The following NAV2 variants were observed in gnomAD, a reference collection of about 807,000 sequenced individuals.
NAV2 encodes the protein helicase, APC down-regulated 1.
In NAV2, 54 loss-of-function variants were observed where a neutral mutation model predicts 223.2. That is an observed-to-expected ratio of 0.24 (90% CI 0.19 to 0.30). The LOEUF is 0.30. Ranked by LOEUF, NAV2 falls within the 10% of genes least tolerant of loss-of-function variation. NAV2 has a pLI of 1.00. For synonymous variants in NAV2, 1,279 were observed against 1,239.3 expected (o/e 1.03, Z -0.67); for missense variants, 2,806 against 3,147.5 (o/e 0.89, Z 2.60).
chr11:20,091,324 C>T (rs919778486), intron 27 of NAV2, among the ~76,000 whole-genome samples: 3 of 152,178 alleles, frequency 2.0e-5, no homozygotes, highest in African/African-American at 4.8e-5. Context: ...TGTTAATCCA[C>T]ACCACCCTCC....
At chr11:19,708,342 TA>T (rs2049736632), upstream of NAV2, among the ~76,000 whole-genome samples, 1 of 152,226 alleles carries the variant, frequency 6.6e-6, no homozygotes, top group Non-Finnish European at 1.5e-5. Context: ...GCATTTTTTT[TA>T]CTCCCAAATA....
rs1156686591 is a variant in NAV2, at chr11:20,051,461, C to A, written c.4481+128C>A. Reference sequence around the variant, plus strand: ...CCCGCTTTGACCACCACAGCAGGACCTTTTGGATGACGGCTCCCCTTGCAC... The same window carrying A: ...CCCGCTTTGACCACCACAGCAGGACATTTTGGATGACGGCTCCCCTTGCAC... On this transcript the variant is annotated intron_variant, in intron 17 of 37. Coordinates refer to ENST00000349880, the MANE Select transcript of NAV2 (RefSeq NM_145117.5). The A allele has an allele frequency of 1.1e-5, 9 of 814,066 alleles. No individual in the cohort carries two copies. In the Admixed American group the frequency reaches 1.5e-4, roughly 13 times the overall value. The allele number at this position is 814,066 out of a possible 1,614,324, so 50.4% of individuals were successfully genotyped here.
intron 3 of NAV2, among the ~76,000 whole-genome samples, chr11:19,843,888 T>C (rs1274092968): frequency 6.7e-6 from 1 of 150,256 alleles, no homozygotes; most frequent in Non-Finnish European, 1.5e-5. Flanking sequence ...TACTGTTTAG[T>C]TTTCTGAATT....
intron 1 of NAV2, among the ~76,000 whole-genome samples, chr11:19,538,891 T>TTATATATATATA (rs57662236): frequency 5.9e-4 from 86 of 146,496 alleles, no homozygotes; most frequent in African/African-American, 2.1e-3. Flanking sequence ...TAATGACATT[T>TTATATATATATA]TATATATATA....
chr11:19,846,374 A>T (rs1490187274), intron 3 of NAV2, among the ~76,000 whole-genome samples: 1 of 152,208 alleles, frequency 6.6e-6, no homozygotes, highest in Admixed American at 6.5e-5. Flanking sequence ...AGCCCACAGT[A>T]CAACAGACTC....
chr11:20,098,831 C>G (rs990698092), intron 31 of NAV2, among the ~76,000 whole-genome samples: 1 of 152,200 alleles, frequency 6.6e-6, no homozygotes, highest in Non-Finnish European at 1.5e-5. Context: ...CAGGGGTACA[C>G]CTCAAGCACA....
rs771504923 is a variant in NAV2 at position 19,933,662 on chromosome 11, G to A, written c.1418G>A (p.Arg473Gln). 22 of 1,614,148 alleles carry A rather than the reference G, an allele frequency of 1.4e-5. No individual in the cohort carries two copies. The highest frequency in any genetic ancestry group is 3.3e-4 in the Middle Eastern group (2 of 6,062). Residue 473 changes from arginine to glutamine, a missense_variant, in exon 7 of 38, where the codon CGG becomes CAG. Arg to Gln is a conservative substitution (Grantham distance 43). This residue lies in a region of NAV2 where 1,167 missense variants were observed against 1,180.5 expected (regional missense o/e 0.99). Transcript: ENST00000349880. The surrounding 1 kb of genome is among the most constrained non-coding windows in gnomAD (Gnocchi z 4.3). ...LKGIAQRTFS[R>Q]ALTNKKSSLK... ...GGCATTGCCCAGAGGACTTTTAGCC[G>A]GGCACTGACCAACAAGAAGAGTTCT...
intron 10 of NAV2, among the ~76,000 whole-genome samples, chr11:19,964,492 C>CTTT (rs1555171616): frequency 1.4e-5 from 2 of 146,660 alleles, no homozygotes; most frequent in South Asian, 4.3e-4. Flanking sequence ...TTTTCATCCT[C>CTTT]TTTTTTTTTT....
chr11:20,030,145 C>G (rs1177166404), intron 11 of NAV2, among the ~76,000 whole-genome samples: 1 of 152,180 alleles, frequency 6.6e-6, no homozygotes, highest in Non-Finnish European at 1.5e-5. Flanking sequence ...AAACACAATG[C>G]TATCTCCAGC....
chr11:19,828,673 AG>A (rs2059780387), intron 1 of NAV2, among the ~76,000 whole-genome samples: 1 of 148,500 alleles, frequency 6.7e-6, no homozygotes, highest in African/African-American at 2.5e-5. Context: ...TGTTTTTTGT[AG>A]GGAGGGGGTT....
chr11:19,571,938 G>A (rs891671636), intron 1 of NAV2, among the ~76,000 whole-genome samples: 1 of 152,160 alleles, frequency 6.6e-6, no homozygotes, highest in Non-Finnish European at 1.5e-5. Flanking sequence ...AAGAAGGAGA[G>A]GGGAGACTGT....
rs545523549 is a variant in NAV2 at position 19,948,949 on chromosome 11, C to G, written c.2514C>G (p.Val838=). 3.1e-6 allele frequency: 5 copies of G among 1,614,008 alleles called. No homozygotes were observed. The African/African-American group carries it at 5.3e-5, about 17-fold the overall frequency. Residue 838 remains valine (V), a synonymous_variant, in exon 10 of 38, where the codon GTC becomes GTG. Transcript: ENST00000349880. ...RRQLASRGSS[V]CHVDVSDKAG... ...AGCTGGCCTCCCGGGGCAGTAGTGT[C>G]TGCCATGTGGACGTCTCAGACAAGG...
At chr11:19,976,702 A>G (rs2049790377) in intron 10 of NAV2, among the ~76,000 whole-genome samples, 1 of 152,208 alleles carries the variant, frequency 6.6e-6, no homozygotes, top group Admixed American at 6.5e-5. Context: ...TACCTTGACC[A>G]GAGGATTTAT....
At chr11:19,735,576 T>C (rs191261265) in intron 1 of NAV2, among the ~76,000 whole-genome samples, 37 of 152,356 alleles carry the variant, frequency 2.4e-4, no homozygotes, top group African/African-American at 7.7e-4. Context: ...AGGCCTTGCT[T>C]AGAGCAAGTC....
intron 1 of NAV2, among the ~76,000 whole-genome samples, chr11:19,478,079 G>A (rs1026735870): frequency 7.2e-5 from 11 of 152,248 alleles, no homozygotes; most frequent in African/African-American, 2.4e-4. Flanking sequence ...GCCCTTATAC[G>A]GGTAATAAGC....
intron 1 of NAV2, among the ~76,000 whole-genome samples, chr11:19,627,278 C>G (rs2047198615): frequency 6.6e-6 from 1 of 152,054 alleles, no homozygotes; most frequent in South Asian, 2.1e-4. Context: ...ATCCCAGGTA[C>G]TCAGGAGGCT....
chr11:20,055,797 C>T lies in NAV2; in HGVS notation c.4671C>T (p.Ser1557=). The change falls in exon 19 of 38, where the codon AGC becomes AGT. Residue 1557 remains serine, a synonymous_variant. Coordinates refer to ENST00000349880, the MANE Select transcript of NAV2 (RefSeq NM_145117.5). Reference sequence around the variant, plus strand: ...GTCCCACCACTGTCACCCAGATGAGCTTGTCCAACCCGACCATGCTGAGGA... The same window carrying T: ...GTCCCACCACTGTCACCCAGATGAGTTTGTCCAACCCGACCATGCTGAGGA... The part of the protein sequence containing the change: ...LASPTTVTQM[S]LSNPTMLRTH... The T allele has an allele frequency of 6.2e-7, 1 of 1,614,116 alleles. No individual in the cohort carries two copies. The highest frequency in any genetic ancestry group is 8.5e-7 in the Non-Finnish European group (1 of 1,179,994).
At chr11:19,410,157 G>A (rs1313257870) in intron 1 of NAV2, among the ~76,000 whole-genome samples, 1 of 152,112 alleles carries the variant, frequency 6.6e-6, no homozygotes. Flanking sequence ...TGAGTAATGG[G>A]GACCTTTCTG....
rs146599661 is a variant in NAV2, at chr11:20,117,712, C to G, written c.7165-421C>G. On this transcript the variant is annotated intron_variant, in intron 37 of 37. Transcript: ENST00000349880. ...TGATGCTGATGCCAAGTTCCAGGAA[C>G]AGGGATGCTCAGCCACACCTTCATC... Among the ~76,000 whole-genome samples, 862 of 152,278 alleles carry G rather than the reference C, an allele frequency of 5.7e-3. 5 individuals carry two copies. The highest frequency in any genetic ancestry group is 0.036 in the South Asian group (174 of 4,832).
Sources: gnomAD v4.1 joint callset for allele counts (sites outside exome capture counted in the v4.1 genomes callset) on GRCh38, gnomAD v4.1.1 for gene constraint, gnomAD v4.1.1 regional missense constraint, Gnocchi (gnomAD v3.1) non-coding constraint, MANE v1.5 for transcripts, NCBI Gene and HGNC (gene_info 2026-07-23, HGNC 2026-07-21) for gene names.